The following RBFOX1 variants were observed in gnomAD, a reference collection of about 807,000 sequenced individuals.
The protein encoded by RBFOX1 is RNA binding protein fox-1 homolog 1.
Under a neutral mutation model 57.7 loss-of-function variants are expected in RBFOX1, and 8 were observed. That is an observed-to-expected ratio of 0.14 (90% CI 0.08 to 0.25). The LOEUF (loss-of-function observed/expected upper bound fraction) is 0.25, where lower values mean the gene tolerates loss of function less well. Ranked by LOEUF, RBFOX1 falls within the 10% of genes least tolerant of loss-of-function variation. The probability of loss-of-function intolerance (pLI) is 1.00; values close to 1 mark genes in which losing one functional copy is unlikely to be tolerated. For synonymous variants in RBFOX1, 326 were observed against 222.4 expected (o/e 1.47, Z -4.15); for missense variants, 611 against 548.5 (o/e 1.11, Z -1.14).
chr16:5,486,284 A>T (rs1444207699), intron 2 of RBFOX1, among the ~76,000 whole-genome samples: 1 of 152,236 alleles, frequency 6.6e-6, no homozygotes, highest in Non-Finnish European at 1.5e-5. Flanking sequence ...CCCGTGAAGA[A>T]GAGAACATTT....
chr16:6,910,544 G>T (rs1281947978), intron 3 of RBFOX1, among the ~76,000 whole-genome samples: 1 of 152,188 alleles, frequency 6.6e-6, no homozygotes, highest in Non-Finnish European at 1.5e-5. Context: ...GAGGTCAGAA[G>T]TCCAAAACGG....
chr16:5,729,398 T>TTC lies in RBFOX1; in HGVS notation c.318+130438_318+130439insCT, dbSNP rs765335473. Among the ~76,000 whole-genome samples the TTC allele has an allele frequency of 3.6e-4, 20 of 55,032 alleles. No individual in the cohort carries two copies. In the African/African-American group the frequency reaches 3.8e-3, roughly 11 times the overall value. The allele number at this position is 55,032 out of a possible 152,430, so 36.1% of individuals were successfully genotyped here. A position where few individuals can be genotyped will look rare whatever the true frequency, so the allele number is the denominator to read the frequency against. ...AGCTAGCTTTTTTTTTTTCTTTTCT[T>TTC]TTTTTTTTTTTTTTTTTGCCAGCCA... On this transcript the variant is annotated intron_variant, in intron 3 of 19. Transcript: ENST00000641259.
intron 2 of RBFOX1, among the ~76,000 whole-genome samples, chr16:6,366,826 A>G (rs1300056266): frequency 6.6e-6 from 1 of 152,096 alleles, no homozygotes; most frequent in Non-Finnish European, 1.5e-5. Flanking sequence ...GGTGTCAGGA[A>G]TCTCTGCTTT....
chr16:5,295,397 G>C (rs1430025807), intron 1 of RBFOX1, among the ~76,000 whole-genome samples: 2 of 152,230 alleles, frequency 1.3e-5, no homozygotes, highest in African/African-American at 4.8e-5. Context: ...ACAGCACACA[G>C]TTATCACTGC....
At chr16:7,013,565 G>A (rs192411891) in intron 3 of RBFOX1, among the ~76,000 whole-genome samples, 2 of 152,314 alleles carry the variant, frequency 1.3e-5, no homozygotes, top group East Asian at 3.9e-4. Flanking sequence ...TGCTGATGTT[G>A]AGAAACTCTG....
intron 1 of RBFOX1, among the ~76,000 whole-genome samples, chr16:6,266,238 G>A (rs1160487320): frequency 6.6e-6 from 1 of 152,164 alleles, no homozygotes; most frequent in East Asian, 1.9e-4. Flanking sequence ...CTAAAAGACA[G>A]CCAACACATA....
In RBFOX1 at chr16:5,304,073, C is replaced by T. The variant is rs79218495; in HGVS notation, c.219+63968C>T. Among the ~76,000 whole-genome samples the T allele has an allele frequency of 3.7e-3, 562 of 152,124 alleles. 1 individual carries two copies. Among genetic ancestry groups the T allele is most frequent in the African/African-American group, 0.013 (543 of 41,506 alleles). On this transcript the variant is annotated intron_variant, in intron 1 of 2. Coordinates refer to the RBFOX1 transcript ENST00000585867. ...TGAACTCTAATTTTACTTAAATTTC[C>T]TTCTGACAAATCTCCAAAGGAATAT...
intron 1 of RBFOX1, among the ~76,000 whole-genome samples, chr16:6,307,518 C>A (rs987031275): frequency 6.8e-6 from 1 of 146,252 alleles, no homozygotes; most frequent in Non-Finnish European, 1.5e-5. Context: ...AAATAATAGT[C>A]ATTATATAAT....
At chr16:6,377,912 A>G (rs928697040) in intron 2 of RBFOX1, among the ~76,000 whole-genome samples, 1 of 152,122 alleles carries the variant, frequency 6.6e-6, no homozygotes, top group Non-Finnish European at 1.5e-5. Flanking sequence ...GCCCCACTCC[A>G]AGAGGTGCTT....
intron 4 of RBFOX1, among the ~76,000 whole-genome samples, chr16:7,127,712 G>T (rs1268292169): frequency 6.6e-6 from 1 of 152,178 alleles, no homozygotes; most frequent in Non-Finnish European, 1.5e-5. Flanking sequence ...AGGACTTTGG[G>T]TTGTATATGC....
intron 3 of RBFOX1, among the ~76,000 whole-genome samples, chr16:6,782,035 C>G (rs2081106433): frequency 1.3e-5 from 2 of 151,902 alleles, no homozygotes; most frequent in Admixed American, 6.6e-5. Flanking sequence ...TTATACGGAG[C>G]CTTGCTCTGT....
chr16:5,555,416 A>G (rs551462106), intron 2 of RBFOX1, among the ~76,000 whole-genome samples: 1 of 151,368 alleles, frequency 6.6e-6, no homozygotes, highest in African/African-American at 2.4e-5. Flanking sequence ...AGGCCTGGCA[A>G]ATTTTTGTAT....
chr16:5,307,998 T>G (rs920832274), intron 1 of RBFOX1, among the ~76,000 whole-genome samples: 3 of 152,166 alleles, frequency 2.0e-5, no homozygotes, highest in African/African-American at 7.2e-5. Flanking sequence ...TAATTTAAAA[T>G]AGTCATGCTT....
rs1186116165 is a variant in RBFOX1, at chr16:6,966,920, CATCCATCCATCCATCCATTG to C, written c.-15-85136_-15-85117del. 6.0e-3 allele frequency among the ~76,000 whole-genome samples: 910 copies of C among 151,518 alleles called. 13 individuals are homozygous for C. The highest frequency in any genetic ancestry group is 0.021 in the African/African-American group (863 of 41,158). On this transcript the variant is annotated intron_variant, in intron 3 of 15. Transcript: ENST00000550418. ...CCATCCATCCATCCATCCATCCATC[CATCCATCCATCCATCCATTG>C]GCCTACCTATTATCTATTTGCCTAT...
chr16:6,074,499 C>T (rs1475999609), intron 1 of RBFOX1, among the ~76,000 whole-genome samples: 2 of 152,250 alleles, frequency 1.3e-5, no homozygotes, highest in East Asian at 3.9e-4. Context: ...GCATGGGGGT[C>T]CTGTGAAGGA....
intron 2 of RBFOX1, among the ~76,000 whole-genome samples, chr16:6,445,133 G>A (rs1006157607): frequency 6.6e-6 from 1 of 152,082 alleles, no homozygotes; most frequent in East Asian, 1.9e-4. Context: ...TGTTAGACTT[G>A]GGATGATGGG....
At position 5,639,589 on chromosome 16, in the gene RBFOX1, A is replaced by G. The variant is rs535134969; in HGVS notation, c.318+40628A>G. ...TTTGCCACACTCTCCATCACTCTCTATCATCTCCTGAACATCAAGTGGCAG... is the reference window on the plus strand; with the variant it reads ...TTTGCCACACTCTCCATCACTCTCTGTCATCTCCTGAACATCAAGTGGCAG... On this transcript the variant is annotated intron_variant, in intron 3 of 19. Transcript: ENST00000641259. 5.3e-5 allele frequency among the ~76,000 whole-genome samples: 8 copies of G among 152,284 alleles called. No individual in the cohort carries two copies. The East Asian group carries it at 1.4e-3, about 26-fold the overall frequency.
At chr16:5,632,225 T>C (rs959599241) in intron 3 of RBFOX1, among the ~76,000 whole-genome samples, 1 of 152,206 alleles carries the variant, frequency 6.6e-6, no homozygotes, top group Non-Finnish European at 1.5e-5. Context: ...TTAGAGACGA[T>C]GTCATGAGAC....
chr16:5,240,587 G>T (rs1422822610), intron 1 of RBFOX1, among the ~76,000 whole-genome samples: 4 of 152,210 alleles, frequency 2.6e-5, no homozygotes, highest in African/African-American at 9.6e-5. Context: ...CACCTGCCCC[G>T]CATCTTCCTG....
Sources: gnomAD v4.1 joint callset for allele counts (sites outside exome capture counted in the v4.1 genomes callset) on GRCh38, gnomAD v4.1.1 for gene constraint, MANE v1.5 for transcripts, NCBI Gene and HGNC (gene_info 2026-07-23, HGNC 2026-07-21) for gene names.